Variants in MMP26 observed in about 807,000 individuals in gnomAD.
MMP26 encodes the protein matrix metalloproteinase-26.
Under a neutral mutation model 31.0 loss-of-function variants are expected in MMP26, and 33 were observed. That is an observed-to-expected ratio of 1.06 (90% CI 0.81 to 1.42). The LOEUF is 1.42. Ranked by LOEUF, MMP26 falls within the 40% of genes most tolerant of loss-of-function variation. The pLI, the probability that MMP26 is intolerant of heterozygous loss-of-function variation, is 0.00. For missense variants in MMP26, 347 were observed against 316.1 expected (o/e 1.10, Z -0.74); for synonymous variants, 122 against 114.9 (o/e 1.06, Z -0.40).
chr11:4,842,397 T>C (rs1383696992), intron 2 of MMP26, among the ~76,000 whole-genome samples: 1 of 152,198 alleles, frequency 6.6e-6, no homozygotes, highest in African/African-American at 2.4e-5. Context: ...TGTCTCACAG[T>C]TCCACAGACT....
chr11:4,859,700 C>T (rs781754574), intron 2 of MMP26: 5 of 469,428 alleles, frequency 1.1e-5, no homozygotes, highest in African/African-American at 1.0e-4. Flanking sequence ...GGGTTTAGCA[C>T]AGGCGGGAGC....
intron 2 of MMP26, among the ~76,000 whole-genome samples, chr11:4,931,025 T>A (rs1232545631): frequency 6.6e-6 from 1 of 152,016 alleles, no homozygotes; most frequent in Non-Finnish European, 1.5e-5. Flanking sequence ...TTAATACTAT[T>A]GTATTAATTT....
At chr11:4,856,913 G>A (rs1387142686) in intron 2 of MMP26, among the ~76,000 whole-genome samples, 1 of 152,278 alleles carries the variant, frequency 6.6e-6, no homozygotes, top group East Asian at 1.9e-4. Context: ...TCAGGATTAA[G>A]AAACTCACTC....
intron 2 of MMP26, chr11:4,849,026 G>A (rs765491390): frequency 2.2e-5 from 35 of 1,613,954 alleles, no homozygotes; most frequent in Non-Finnish European, 2.6e-5. Context: ...GGTGCAGGGC[G>A]GGCTGCAGGG....
chr11:4,864,719 AC>A (rs1266248230), intron 2 of MMP26, among the ~76,000 whole-genome samples: 1 of 151,896 alleles, frequency 6.6e-6, no homozygotes, highest in Non-Finnish European at 1.5e-5. Context: ...GCTTGATGCA[AC>A]CCCCCTGAGT....
intron 2 of MMP26, among the ~76,000 whole-genome samples, chr11:4,826,406 G>A (rs779255100): frequency 6.6e-6 from 1 of 152,088 alleles, no homozygotes; most frequent in Non-Finnish European, 1.5e-5. Context: ...TCAGGGCTAA[G>A]GAGAAGATAT....
chr11:4,722,078 C>T (rs1848020224), intron 1 of MMP26, among the ~76,000 whole-genome samples: 1 of 152,188 alleles, frequency 6.6e-6, no homozygotes, highest in African/African-American at 2.4e-5. Flanking sequence ...TTGAAAGCTT[C>T]CTGAGGCCTC....
At chr11:4,943,858 G>A in intron 2 of MMP26, 1 of 448,730 alleles carries the variant, frequency 2.2e-6, no homozygotes, top group Admixed American at 2.4e-5. Flanking sequence ...TATTAAGACT[G>A]TCAAAAACCC....
At chr11:4,861,917 C>T (rs1004125573) in intron 2 of MMP26, among the ~76,000 whole-genome samples, 5 of 152,102 alleles carry the variant, frequency 3.3e-5, no homozygotes, top group Admixed American at 6.6e-5. Flanking sequence ...TAGCCTTCAA[C>T]GTAAAGCAAG....
intron 2 of MMP26, among the ~76,000 whole-genome samples, chr11:4,899,074 G>A (rs1205083418): frequency 6.6e-6 from 1 of 152,094 alleles, no homozygotes; most frequent in African/African-American, 2.4e-5. Context: ...AATGTGGCCT[G>A]CTCACCAACA....
intron 2 of MMP26, among the ~76,000 whole-genome samples, chr11:4,793,076 T>C (rs1360844272): frequency 6.6e-6 from 1 of 152,190 alleles, no homozygotes; most frequent in Non-Finnish European, 1.5e-5. Context: ...CAATAACCCA[T>C]TTGAATGGGC....
chr11:4,879,548 A>G (rs1242394285), intron 2 of MMP26, among the ~76,000 whole-genome samples: 2 of 152,102 alleles, frequency 1.3e-5, no homozygotes, highest in Non-Finnish European at 2.9e-5. Context: ...CATTTCTGCA[A>G]CTTGCTAACT....
intron 5 of MMP26, among the ~76,000 whole-genome samples, chr11:4,991,052 T>A (rs560535924): frequency 2.0e-5 from 3 of 152,204 alleles, no homozygotes; most frequent in Non-Finnish European, 4.4e-5. Flanking sequence ...AACTTACTTA[T>A]AAAAACTTTC....
At chr11:4,798,465 G>A (rs1238110149) in intron 2 of MMP26, among the ~76,000 whole-genome samples, 1 of 152,196 alleles carries the variant, frequency 6.6e-6, no homozygotes, top group Non-Finnish European at 1.5e-5. Flanking sequence ...TACTCAAAAT[G>A]CAAAGTATTG....
Position 4,772,179 on chromosome 11 carries a change from C to T in MMP26, c.-145+4838C>T, listed in dbSNP as rs764587418. On this transcript the variant is annotated intron_variant, in intron 2 of 7. Transcript: ENST00000380390. ...AATTAGAGGGCAGGAGTGTGTAATC[C>T]CAGAGGGTTTTAGTTACTAATCCAA... 1.9e-4 allele frequency among the ~76,000 whole-genome samples: 29 copies of T among 152,142 alleles called. No individual in the cohort carries two copies. The Middle Eastern group carries it at 0.01, about 54-fold the overall frequency.
intron 2 of MMP26, among the ~76,000 whole-genome samples, chr11:4,828,822 T>C (rs1849611033): frequency 6.6e-6 from 1 of 152,104 alleles, no homozygotes; most frequent in African/African-American, 2.4e-5. Flanking sequence ...AGAATTAGAG[T>C]AGGCCTTCAT....
intron 1 of MMP26, among the ~76,000 whole-genome samples, chr11:4,730,347 G>T (rs892257275): frequency 6.6e-6 from 1 of 151,076 alleles, no homozygotes; most frequent in Non-Finnish European, 1.5e-5. Flanking sequence ...GAGCCAGGAT[G>T]CAGAGAAAGA....
At chr11:4,892,371 T>A (rs752130870) in intron 2 of MMP26, among the ~76,000 whole-genome samples, 1 of 152,186 alleles carries the variant, frequency 6.6e-6, no homozygotes, top group Non-Finnish European at 1.5e-5. Context: ...GCCCTTAAAG[T>A]CTTCCCTTCT....
chr11:4,771,408 T>G (rs1318431588), intron 2 of MMP26, among the ~76,000 whole-genome samples: 1 of 152,222 alleles, frequency 6.6e-6, no homozygotes, highest in Non-Finnish European at 1.5e-5. Flanking sequence ...GGGGGTAATT[T>G]ACTGCTGTTC....
Sources: gnomAD v4.1 joint callset for allele counts (sites outside exome capture counted in the v4.1 genomes callset) on GRCh38, gnomAD v4.1.1 for gene constraint, MANE v1.5 for transcripts, NCBI Gene and HGNC (gene_info 2026-07-23, HGNC 2026-07-21) for gene names.